ARL15: variants seen among roughly 807,000 people sequenced by gnomAD.
ARL15 encodes the protein ARF like GTPase 15.
Under a neutral mutation model 25.2 loss-of-function variants are expected in ARL15, and 19 were observed. The observed-to-expected ratio is 0.75, with a 90% CI of 0.53 to 1.10. ARL15 has a LOEUF of 1.10. Ranked by LOEUF, ARL15 falls within the 50% of genes least tolerant of loss-of-function variation. ARL15 has a pLI of 0.00. For missense variants in ARL15, 220 were observed against 246.0 expected (o/e 0.89, Z 0.71); for synonymous variants, 94 against 86.8 (o/e 1.08, Z -0.46).
intron 1 of ARL15, among the ~76,000 whole-genome samples, chr5:54,232,653 C>T (rs1264464491): frequency 6.6e-6 from 1 of 152,110 alleles, no homozygotes; most frequent in Non-Finnish European, 1.5e-5. Context: ...GCATGCCCAC[C>T]TACCAGGAAA....
intron 4 of ARL15, among the ~76,000 whole-genome samples, chr5:54,072,650 A>G (rs1004595039): frequency 2.0e-5 from 3 of 152,260 alleles, no homozygotes; most frequent in African/African-American, 7.2e-5. Flanking sequence ...CTTGGGAATC[A>G]GCACAGTGCC....
At chr5:54,200,464 T>C (rs979662573) in intron 1 of ARL15, among the ~76,000 whole-genome samples, 5 of 151,948 alleles carry the variant, frequency 3.3e-5, no homozygotes, top group African/African-American at 1.2e-4. Flanking sequence ...AGCCAAGATA[T>C]GAAAACTCTA....
intron 1 of ARL15, among the ~76,000 whole-genome samples, chr5:54,287,298 C>T (rs1758208368): frequency 2.0e-5 from 3 of 151,972 alleles, no homozygotes; most frequent in Non-Finnish European, 4.4e-5. Context: ...ATTAAACATA[C>T]CTGTGCCAGA....
chr5:54,105,693 C>T (rs1410905390), intron 4 of ARL15, among the ~76,000 whole-genome samples: 1 of 152,110 alleles, frequency 6.6e-6, no homozygotes, highest in Non-Finnish European at 1.5e-5. Flanking sequence ...AGCAATTCTC[C>T]TGCCTCAGCC....
intron 1 of ARL15, among the ~76,000 whole-genome samples, chr5:54,283,024 C>T (rs1758096969): frequency 6.6e-6 from 1 of 152,186 alleles, no homozygotes; most frequent in African/African-American, 2.4e-5. Flanking sequence ...GTCAAAATAA[C>T]CCTAACTTTA....
chr5:54,033,988 T>C (rs778196646), intron 4 of ARL15, among the ~76,000 whole-genome samples: 2 of 152,104 alleles, frequency 1.3e-5, no homozygotes, highest in Admixed American at 6.6e-5. Context: ...TAATTTTTTA[T>C]ATTTTTAGTA....
chr5:54,058,667 C>G (rs10038225), intron 4 of ARL15, among the ~76,000 whole-genome samples: 6,421 of 152,144 alleles, frequency 0.042, 383 homozygotes, highest in African/African-American at 0.13. Flanking sequence ...GGAGCAGAAG[C>G]GGGACAGTGT....
chr5:54,150,144 T>C (rs1754026986), intron 3 of ARL15, among the ~76,000 whole-genome samples: 1 of 152,216 alleles, frequency 6.6e-6, no homozygotes, highest in Non-Finnish European at 1.5e-5. Context: ...TTTGACACTA[T>C]AACCACCACA....
intron 1 of ARL15, among the ~76,000 whole-genome samples, chr5:54,262,426 C>G (rs111646364): frequency 7.2e-5 from 11 of 152,190 alleles, no homozygotes; most frequent in African/African-American, 2.4e-4. Context: ...ATCCACAAAA[C>G]TGTCTGCCTT....
chr5:53,894,588 G>C (rs1036947820), intron 4 of ARL15, among the ~76,000 whole-genome samples: 6 of 152,104 alleles, frequency 3.9e-5, no homozygotes, highest in Non-Finnish European at 7.4e-5. Context: ...CACTATGAGA[G>C]GCACAGTTAT....
intron 3 of ARL15, among the ~76,000 whole-genome samples, chr5:54,132,696 GT>G (rs1753476509): frequency 6.6e-6 from 1 of 152,140 alleles, no homozygotes; most frequent in Non-Finnish European, 1.5e-5. Context: ...TAAACAAGGG[GT>G]GGATTATTCA....
At chr5:54,248,548 T>A (rs971425289) in intron 1 of ARL15, among the ~76,000 whole-genome samples, 1 of 152,224 alleles carries the variant, frequency 6.6e-6, no homozygotes, top group African/African-American at 2.4e-5. Context: ...TCCCATCCCA[T>A]ACACTCTTTT....
chr5:54,181,171 T>C (rs1055488335), intron 1 of ARL15, among the ~76,000 whole-genome samples: 4 of 152,178 alleles, frequency 2.6e-5, no homozygotes, highest in African/African-American at 4.8e-5. Context: ...ATCAGAGGAA[T>C]AGGATTTTTT....
chr5:54,286,537 T>C (rs1758184075), intron 1 of ARL15, among the ~76,000 whole-genome samples: 1 of 152,208 alleles, frequency 6.6e-6, no homozygotes, highest in Non-Finnish European at 1.5e-5. Context: ...TGAAAAGTCA[T>C]CTAGCAAAAA....
chr5:54,282,082 C>A (rs1387503722), intron 1 of ARL15, among the ~76,000 whole-genome samples: 2 of 152,188 alleles, frequency 1.3e-5, no homozygotes, highest in African/African-American at 4.8e-5. Flanking sequence ...GAGCTATATA[C>A]CTAGGAGTAG....
At chr5:54,174,390 G>C (rs1754805211) in intron 1 of ARL15, among the ~76,000 whole-genome samples, 1 of 152,096 alleles carries the variant, frequency 6.6e-6, no homozygotes, top group East Asian at 1.9e-4. Flanking sequence ...TGGTGTACAG[G>C]ATCAACTTTC....
intron 1 of ARL15, among the ~76,000 whole-genome samples, chr5:54,307,496 T>C (rs1758785577): frequency 6.6e-6 from 1 of 152,134 alleles, no homozygotes; most frequent in Non-Finnish European, 1.5e-5. Flanking sequence ...TCGACTGAAA[T>C]CAATAAAACC....
chr5:54,228,378 C>A (rs973553129), intron 1 of ARL15, among the ~76,000 whole-genome samples: 1 of 152,096 alleles, frequency 6.6e-6, no homozygotes, highest in Admixed American at 6.6e-5. Flanking sequence ...TCTGCATAAA[C>A]CCAGGGGGTA....
intron 4 of ARL15, among the ~76,000 whole-genome samples, chr5:54,023,329 C>T (rs2111850172): frequency 6.8e-6 from 1 of 147,170 alleles, no homozygotes; most frequent in South Asian, 2.2e-4. Flanking sequence ...TATGGAAATG[C>T]AATTATAAAC....
Sources: allele counts gnomAD v4.1 joint callset (sites outside exome capture counted in the v4.1 genomes callset), GRCh38; gene constraint gnomAD v4.1.1; transcripts MANE v1.5; gene names NCBI Gene and HGNC (gene_info 2026-07-23, HGNC 2026-07-21).